The following ZFP64 variants were observed in gnomAD, a reference collection of about 807,000 sequenced individuals.
The protein encoded by ZFP64 is zinc finger protein 64.
A neutral mutation model predicts 51.6 loss-of-function variants in ZFP64; 14 were observed. That is an observed-to-expected ratio of 0.27 (90% CI 0.18 to 0.42). The LOEUF (loss-of-function observed/expected upper bound fraction) is 0.42. ZFP64 is among the 10% of genes least tolerant of loss of function. ZFP64 has a pLI of 1.00. For synonymous variants in ZFP64, 375 were observed against 361.4 expected (o/e 1.04, Z -0.43); for missense variants, 754 against 906.8 (o/e 0.83, Z 2.16).
intron 7 of ZFP64, chr20:52,088,810 G>T: frequency 1.2e-6 from 1 of 817,830 alleles, no homozygotes; most frequent in Non-Finnish European, 2.0e-6. Flanking sequence ...ACAAGAATGT[G>T]TATCATTCAT....
At chr20:52,092,537 C>T (rs4811289) in intron 7 of ZFP64, among the ~76,000 whole-genome samples, 122,200 of 152,216 alleles carry the variant, frequency 0.8, 49,787 homozygotes, top group African/African-American at 0.95. Context: ...AGATGTAAAA[C>T]TGCGAAGTCT....
At chr20:52,107,106 A>G (rs7345640) in intron 5 of ZFP64, among the ~76,000 whole-genome samples, 1 of 86,624 alleles carries the variant, frequency 1.2e-5, no homozygotes, top group African/African-American at 4.8e-5. Flanking sequence ...AAAAATATAT[A>G]TGTATATATA....
At chr20:52,110,868 C>A in intron 5 of ZFP64, 2 of 1,610,322 alleles carry the variant, frequency 1.2e-6, no homozygotes, top group Non-Finnish European at 1.7e-6. Flanking sequence ...CCACCTCTGC[C>A]ACCAAGAGAT....
At position 52,155,370 on chromosome 20, in the gene ZFP64, C is replaced by T. The variant is rs115124039; in HGVS notation, c.764-1942G>A. ...GAAAATGAAGACGTCTTTGTTTTCCCCACCCCCATTCAAGGACCTCCTTCC... is the reference window on the plus strand; with the variant it reads ...GAAAATGAAGACGTCTTTGTTTTCCTCACCCCCATTCAAGGACCTCCTTCC... On this transcript the variant is annotated intron_variant, in intron 5 of 5. Coordinates refer to ENST00000216923, the MANE Select transcript of ZFP64 (RefSeq NM_018197.3). Among the ~76,000 whole-genome samples, 1,385 of 152,140 alleles carry T rather than the reference C, an allele frequency of 9.1e-3. 26 individuals are homozygous for T. The highest frequency in any genetic ancestry group is 0.032 in the African/African-American group (1,311 of 41,462).
chr20:52,100,001 TTTC>T (rs1249557234), intron 5 of ZFP64, among the ~76,000 whole-genome samples: 27 of 152,236 alleles, frequency 1.8e-4, no homozygotes, highest in African/African-American at 5.5e-4. Context: ...TCTGAAGTTT[TTTC>T]TTTTTTTGAG....
intron 2 of ZFP64, among the ~76,000 whole-genome samples, chr20:52,171,053 A>G (rs6096804): frequency 0.023 from 3,510 of 152,344 alleles, 143 homozygotes; most frequent in African/African-American, 0.081. Context: ...TATTATATTA[A>G]TAGTATTCTG....
At position 52,170,892 on chromosome 20, in the gene ZFP64, T is replaced by G. The variant is rs1982662909; in HGVS notation, c.287-4867A>C. Among the ~76,000 whole-genome samples, 2 of 152,086 alleles carry G rather than the reference T, an allele frequency of 1.3e-5. 1 individual carries two copies. The highest frequency in any genetic ancestry group is 2.9e-5 in the Non-Finnish European group (2 of 68,032). On this transcript the variant is annotated intron_variant, in intron 2 of 5. Transcript: ENST00000216923. ...TGCATGCAATAAGTATTTAAATATA[T>G]AGTGTGCAAATCAAGTGGTGTAAAT...
At chr20:52,139,851 T>G (rs1481714357) in intron 5 of ZFP64, among the ~76,000 whole-genome samples, 1 of 150,552 alleles carries the variant, frequency 6.6e-6, no homozygotes, top group Admixed American at 6.6e-5. Context: ...CTGAGTTGTT[T>G]TTTTTTTTTT....
chr20:52,105,355 T>C (rs1978305853), intron 5 of ZFP64: 2 of 1,242,922 alleles, frequency 1.6e-6, no homozygotes, highest in Non-Finnish European at 2.0e-6. Flanking sequence ...GCAATTCTGC[T>C]CATCAGCCGA....
At chr20:52,090,927 CAAAAAAAA>C (rs797006213) in intron 7 of ZFP64, among the ~76,000 whole-genome samples, 5 of 68,076 alleles carry the variant, frequency 7.3e-5, no homozygotes, top group African/African-American at 2.2e-4. Context: ...CTGACTCTAC[CAAAAAAAA>C]AAAAAAAAAA....
Position 52,085,250 on chromosome 20 carries a change from CTGGAAGGGGGTATCCCCTAGCAA to C in ZFP64, c.1229-7_1244del. The C allele has an allele frequency of 6.2e-7, 1 of 1,613,066 alleles. No homozygotes were observed. Among genetic ancestry groups the C allele is most frequent in the African/African-American group, 1.3e-5 (1 of 75,068 alleles). ...TGAACTTGGCGCTACAGAGCCAGCACTGGAAGGGGGTATCCCCTAGCAATGGAAGGTGTGTTTCCATTAGAACA... is the reference window on the plus strand; with the variant it reads ...TGAACTTGGCGCTACAGAGCCAGCACTGGAAGGTGTGTTTCCATTAGAACA... On this transcript the variant is annotated splice_acceptor_variant and splice_polypyrimidine_tract_variant and coding_sequence_variant and intron_variant, in exon 9 of 9. Coordinates refer to the ZFP64 transcript ENST00000361387. LOFTEE classifies it high-confidence loss of function. This position sits in a 1 kb window ranked among gnomAD's most constrained non-coding sequence, Gnocchi z 4.3.
intron 5 of ZFP64, among the ~76,000 whole-genome samples, chr20:52,123,780 T>C (rs1376683629): frequency 6.6e-6 from 1 of 151,842 alleles, no homozygotes; most frequent in East Asian, 1.9e-4. Context: ...TTTGCATGAG[T>C]TGACATGAGT....
intron 2 of ZFP64, among the ~76,000 whole-genome samples, chr20:52,174,375 A>T (rs576838708): frequency 4.0e-5 from 6 of 150,964 alleles, no homozygotes; most frequent in Middle Eastern, 3.4e-3. Flanking sequence ...AATCCCAGCT[A>T]CTCGGGAGGC....
chr20:52,084,993 C>T (rs1273205201), exon 9 of ZFP64: 4 of 1,614,016 alleles, frequency 2.5e-6, no homozygotes, highest in Non-Finnish European at 3.4e-6. Flanking sequence ...GCAGGAGTAG[C>T]TGCACTCTGG....
At chr20:52,089,755 A>T (rs981694883) in intron 7 of ZFP64, among the ~76,000 whole-genome samples, 15 of 151,958 alleles carry the variant, frequency 9.9e-5, no homozygotes, top group Admixed American at 2.0e-4. Flanking sequence ...AAAAAAAAAA[A>T]AAAATGAACC....
Position 52,166,034 on chromosome 20 carries a change from T to C in ZFP64, c.287-9A>G. The stretch of plus-strand genomic sequence containing the variant: ...AAATTCTGGAGCTGAAACTAAAAGA[T>C]ATGGTGATTATTAATTTTCTTAATA... On this transcript the variant is annotated splice_polypyrimidine_tract_variant and intron_variant, in intron 2 of 5. Coordinates refer to ENST00000216923, the MANE Select transcript of ZFP64 (RefSeq NM_018197.3). 1.3e-6 allele frequency: 2 copies of C among 1,598,294 alleles called. No homozygotes were observed. The highest frequency in any genetic ancestry group is 1.7e-6 in the Non-Finnish European group (2 of 1,175,210).
chr20:52,191,674 C>G lies in ZFP64; in HGVS notation c.-38G>C. On this transcript the variant is annotated 5_prime_UTR_variant, in exon 1 of 6. Coordinates refer to ENST00000216923, the MANE Select transcript of ZFP64 (RefSeq NM_018197.3). This position sits in a 1 kb window ranked among gnomAD's most constrained non-coding sequence, Gnocchi z 4.3. ...GGAGGTCCCCGGCCGGCCGGGATGCCAAAGTGGGGGACGCTGATCTACATG... is the reference window on the plus strand; with the variant it reads ...GGAGGTCCCCGGCCGGCCGGGATGCGAAAGTGGGGGACGCTGATCTACATG... 6.4e-7 allele frequency: 1 copy of G among 1,566,726 alleles called. No individual in the cohort carries two copies. The highest frequency in any genetic ancestry group is 8.6e-7 in the Non-Finnish European group (1 of 1,160,516).
At chr20:52,174,343 G>A (rs1983000455) in intron 2 of ZFP64, among the ~76,000 whole-genome samples, 1 of 152,040 alleles carries the variant, frequency 6.6e-6, no homozygotes, top group Non-Finnish European at 1.5e-5. Context: ...AAAATTAGCT[G>A]GGTGTGGTGG....
At chr20:52,090,587 T>C (rs184181809) in intron 7 of ZFP64, among the ~76,000 whole-genome samples, 2 of 151,994 alleles carry the variant, frequency 1.3e-5, no homozygotes, top group Admixed American at 6.6e-5. Context: ...GATCATGAAG[T>C]CAGGAGTTCG....
Sources: gnomAD v4.1 joint callset for allele counts (sites outside exome capture counted in the v4.1 genomes callset) on GRCh38, gnomAD v4.1.1 for gene constraint, Gnocchi (gnomAD v3.1) non-coding constraint, MANE v1.5 for transcripts, NCBI Gene and HGNC (gene_info 2026-07-23, HGNC 2026-07-21) for gene names.